Variants in DIPK1A observed in about 807,000 individuals in gnomAD.
DIPK1A encodes the protein divergent protein kinase domain 1A.
In DIPK1A, 27 loss-of-function variants were observed where a neutral mutation model predicts 40.8. The observed-to-expected ratio is 0.66, with a 90% CI of 0.49 to 0.91. The LOEUF (loss-of-function observed/expected upper bound fraction) is 0.91, where lower values mean the gene tolerates loss of function less well. Among genes scored for constraint, DIPK1A ranks in the 40% least tolerant of loss-of-function variants. The pLI, the probability that DIPK1A is intolerant of heterozygous loss-of-function variation, is 0.00. For synonymous variants in DIPK1A, 166 were observed against 171.3 expected, an observed-to-expected ratio of 0.97 and a Z score of 0.24; for missense variants, 412 against 505.7, an observed-to-expected ratio of 0.81 and a Z score of 1.78.
At chr1:92,868,965 T>TAAAC (rs1647698566) in intron 2 of DIPK1A, among the ~76,000 whole-genome samples, 1 of 136,676 alleles carries the variant, frequency 7.3e-6, no homozygotes, top group Non-Finnish European at 1.5e-5. Context: ...GACTCAATCT[T>TAAAC]AAAAAAAAAA....
chr1:92,900,881 G>GT (rs200626155), intron 1 of DIPK1A, among the ~76,000 whole-genome samples: 1,873 of 146,344 alleles, frequency 0.013, 31 homozygotes, highest in East Asian at 0.11. Context: ...GCTTTTTCAT[G>GT]TTTTTTTTTT....
At position 92,842,657 on chromosome 1, in the gene DIPK1A, G is replaced by A; in HGVS notation, c.*726C>T. 1 of 985,414 alleles carries A rather than the reference G, an allele frequency of 1.0e-6. No individual in the cohort carries two copies. 61.0% of individuals were successfully genotyped at this position (985,414 alleles called of 1,614,324 possible). ...TTCAAAATCAGGATATGTGGATCTT[G>A]ATTGGGCCTTAAGATGTCAGTTTTG... is the stretch of plus-strand genomic sequence containing the variant. On this transcript the variant is annotated 3_prime_UTR_variant, in exon 5 of 5. Transcript: ENST00000370310.
chr1:92,882,584 A>T (rs1648427665), intron 1 of DIPK1A, among the ~76,000 whole-genome samples: 1 of 152,194 alleles, frequency 6.6e-6, no homozygotes, highest in African/African-American at 2.4e-5. Flanking sequence ...AGCATATTCT[A>T]TTTCGACTTG....
At chr1:92,878,777 C>T (rs958512626) in intron 1 of DIPK1A, among the ~76,000 whole-genome samples, 4 of 151,524 alleles carry the variant, frequency 2.6e-5, no homozygotes, top group Non-Finnish European at 2.9e-5. Context: ...GCCGAGATCG[C>T]ACCACTGCAC....
chr1:92,834,733 A>C (rs1221903283), intron 4 of DIPK1A: 1 of 1,609,694 alleles, frequency 6.2e-7, no homozygotes, highest in East Asian at 2.2e-5. Context: ...ATGTAGTAAG[A>C]CAGTGAAAGC....
chr1:92,889,073 T>A (rs1178273223), intron 1 of DIPK1A, among the ~76,000 whole-genome samples: 1 of 152,202 alleles, frequency 6.6e-6, no homozygotes, highest in Non-Finnish European at 1.5e-5. Context: ...CTCCATAAGA[T>A]CTTTGCCCAA....
chr1:92,951,406 C>A (rs1204818222), intron 1 of DIPK1A, among the ~76,000 whole-genome samples: 2 of 152,292 alleles, frequency 1.3e-5, no homozygotes, highest in South Asian at 4.1e-4. Flanking sequence ...ATTCTGACAA[C>A]TGGAAAGAAT....
chr1:92,943,935 C>T (rs59273146), intron 1 of DIPK1A, among the ~76,000 whole-genome samples: 1 of 152,094 alleles, frequency 6.6e-6, no homozygotes. Flanking sequence ...AAAATAAAAT[C>T]TCTGAAAGGA....
rs375828224 is a variant in DIPK1A at position 92,843,522 on chromosome 1, C to T, written c.1148G>A (p.Arg383His). The change falls in exon 5 of 5, where the codon CGT (arginine) becomes CAT (histidine). Residue 383 changes from arginine to histidine, a missense_variant. Physicochemically the swap from Arg to His is conservative, Grantham distance 29 (BLOSUM62 0). Transcript: ENST00000370310. The stretch of plus-strand genomic sequence containing the variant: ...ATAAAGCTGCTTTTCTAATTCTTCA[C>T]GAATTTCACTTGGAGCACCACGCAG... The part of the protein sequence containing the change: ...YLLRGAPSEI[R>H]EELEKQLYSC... 1.9e-4 allele frequency: 288 copies of T among 1,551,836 alleles called. No individual in the cohort carries two copies. The highest frequency in any genetic ancestry group is 2.3e-4 in the Non-Finnish European group (262 of 1,147,064).
intron 1 of DIPK1A, among the ~76,000 whole-genome samples, chr1:92,956,019 G>A (rs1274729711): frequency 6.6e-6 from 1 of 152,018 alleles, no homozygotes; most frequent in African/African-American, 2.4e-5. Flanking sequence ...CTGGGTGACA[G>A]AGGGAGATCC....
chr1:92,889,378 T>G (rs1648755138), intron 1 of DIPK1A, among the ~76,000 whole-genome samples: 1 of 152,220 alleles, frequency 6.6e-6, no homozygotes, highest in African/African-American at 2.4e-5. Flanking sequence ...GCTAGTACCA[T>G]GCTGTTTTTG....
chr1:92,897,827 G>A (rs187827445), intron 1 of DIPK1A, among the ~76,000 whole-genome samples: 77 of 151,104 alleles, frequency 5.1e-4, no homozygotes, highest in African/African-American at 1.8e-3. Flanking sequence ...GCTAGATAAT[G>A]TATAAAAACA....
chr1:92,868,679 T>C (rs775202302), intron 2 of DIPK1A, among the ~76,000 whole-genome samples: 1 of 152,104 alleles, frequency 6.6e-6, no homozygotes, highest in Non-Finnish European at 1.5e-5. Context: ...GAACGTAAGC[T>C]CCTTGGCTGG....
At chr1:92,927,735 C>T (rs1650578424) in intron 1 of DIPK1A, among the ~76,000 whole-genome samples, 2 of 152,126 alleles carry the variant, frequency 1.3e-5, no homozygotes, top group Non-Finnish European at 2.9e-5. Context: ...CTGTGACTGG[C>T]TTTTTTCACT....
intron 2 of DIPK1A, among the ~76,000 whole-genome samples, chr1:92,860,204 A>G (rs1346124409): frequency 6.6e-6 from 1 of 152,114 alleles, no homozygotes; most frequent in Non-Finnish European, 1.5e-5. Flanking sequence ...ACAGTTTTAC[A>G]GTTAGAGGTT....
At chr1:92,834,956 T>G in intron 4 of DIPK1A, 1 of 1,599,608 alleles carries the variant, frequency 6.3e-7, no homozygotes, top group South Asian at 1.1e-5. Context: ...TGTGGCTGAT[T>G]GCTTGGAGAG....
chr1:92,837,232 T>C, downstream of DIPK1A: 1 of 722,150 alleles, frequency 1.4e-6, no homozygotes, highest in Non-Finnish European at 2.6e-6. Context: ...TGGTAATGGC[T>C]TTTAAAGGTT....
intron 2 of DIPK1A, among the ~76,000 whole-genome samples, chr1:92,873,352 C>T (rs765377612): frequency 1.3e-5 from 2 of 152,128 alleles, no homozygotes; most frequent in African/African-American, 2.4e-5. Context: ...TGGTGCCTTA[C>T]GCCTGTAATC....
At chr1:92,849,408 CATGAA>C (rs1302985870) in intron 3 of DIPK1A, among the ~76,000 whole-genome samples, 10 of 150,168 alleles carry the variant, frequency 6.7e-5, no homozygotes, top group Non-Finnish European at 1.3e-4. Context: ...AGTGCAGTGA[CATGAA>C]CACGGCTCAC....
Sources: gnomAD v4.1 joint callset for allele counts (sites outside exome capture counted in the v4.1 genomes callset) on GRCh38, gnomAD v4.1.1 for gene constraint, MANE v1.5 for transcripts, NCBI Gene and HGNC (gene_info 2026-07-23, HGNC 2026-07-21) for gene names.